DPYD: variants seen among roughly 807,000 people sequenced by gnomAD.
DPYD encodes the protein dihydropyrimidine dehydrogenase [NADP(+)].
DPYD carries 109 observed loss-of-function variants against 116.2 expected under a neutral mutation model. The observed-to-expected ratio is 0.94, with a 90% confidence interval of 0.80 to 1.10. The LOEUF is 1.10. DPYD is among the 50% of genes least tolerant of loss of function. The pLI, the probability that DPYD is intolerant of heterozygous loss-of-function variation, is 0.00. For missense variants in DPYD, 1,302 were observed against 1,254.5 expected (o/e 1.04, Z -0.57); for synonymous variants, 440 against 432.0 (o/e 1.02, Z -0.23).
At chr1:97,149,992 A>G (rs1460957501) in intron 20 of DPYD, among the ~76,000 whole-genome samples, 1 of 152,186 alleles carries the variant, frequency 6.6e-6, no homozygotes, top group Non-Finnish European at 1.5e-5. Flanking sequence ...TAATGTGGCC[A>G]TTGTCAACCT....
chr1:97,140,091 G>T (rs1654104215), intron 20 of DPYD, among the ~76,000 whole-genome samples: 1 of 151,304 alleles, frequency 6.6e-6, no homozygotes, highest in Non-Finnish European at 1.5e-5. Flanking sequence ...TGGGACACTT[G>T]CTGACTGTAG....
At chr1:97,607,795 T>A (rs1455342430) in intron 8 of DPYD, among the ~76,000 whole-genome samples, 1 of 151,938 alleles carries the variant, frequency 6.6e-6, no homozygotes, top group Non-Finnish European at 1.5e-5. Flanking sequence ...TAAAACATTA[T>A]ACAGCGCATA....
chr1:97,652,710 T>C (rs1394763454), intron 8 of DPYD, among the ~76,000 whole-genome samples: 8 of 152,328 alleles, frequency 5.3e-5, no homozygotes, highest in African/African-American at 1.7e-4. Context: ...GTGAAGATCC[T>C]GAGCATGGTA....
At chr1:97,081,293 A>G (rs1243580518) in intron 22 of DPYD, among the ~76,000 whole-genome samples, 1 of 152,108 alleles carries the variant, frequency 6.6e-6, no homozygotes. Flanking sequence ...TCCATTGATC[A>G]TTTCTTAAAA....
At chr1:97,124,062 AAGG>A (rs1652651409) in intron 20 of DPYD, among the ~76,000 whole-genome samples, 1 of 152,086 alleles carries the variant, frequency 6.6e-6, no homozygotes, top group Non-Finnish European at 1.5e-5. Context: ...ACAACTTTGG[AAGG>A]AGTATTTTGC....
intron 16 of DPYD, among the ~76,000 whole-genome samples, chr1:97,314,485 GCTTT>G (rs1320548863): frequency 8.4e-6 from 1 of 118,896 alleles, no homozygotes; most frequent in African/African-American, 3.2e-5. Context: ...AGTCGCTAAA[GCTTT>G]CTTTTTTTTT....
intron 5 of DPYD, among the ~76,000 whole-genome samples, chr1:97,716,416 T>C (rs1352946740): frequency 6.6e-6 from 1 of 151,996 alleles, no homozygotes; most frequent in African/African-American, 2.4e-5. Context: ...AGTGAATGGA[T>C]GCATAAATAG....
At chr1:97,677,839 G>C (rs1463692965) in intron 8 of DPYD, among the ~76,000 whole-genome samples, 9 of 152,128 alleles carry the variant, frequency 5.9e-5, no homozygotes, top group Admixed American at 5.2e-4. Context: ...AGACAAAGAA[G>C]CATTAATGAT....
intron 2 of DPYD, among the ~76,000 whole-genome samples, chr1:97,876,263 C>G (rs776233035): frequency 1.3e-5 from 2 of 151,936 alleles, no homozygotes; most frequent in African/African-American, 2.4e-5. Context: ...GTCGCTACTG[C>G]GGTTTTGCAG....
chr1:97,674,665 A>G (rs967195191), intron 8 of DPYD, among the ~76,000 whole-genome samples: 2 of 152,092 alleles, frequency 1.3e-5, no homozygotes, highest in Non-Finnish European at 2.9e-5. Context: ...CTTTAAAAAA[A>G]AAAAAAGGAA....
intron 1 of DPYD, among the ~76,000 whole-genome samples, chr1:97,919,239 G>GT (rs1674377411): frequency 6.6e-6 from 1 of 152,198 alleles, no homozygotes; most frequent in Non-Finnish European, 1.5e-5. Flanking sequence ...AGCTGAAGGT[G>GT]TTTGAACACC....
intron 2 of DPYD, among the ~76,000 whole-genome samples, chr1:97,833,282 G>GA (rs538349152): frequency 6.6e-6 from 1 of 151,198 alleles, no homozygotes; most frequent in Non-Finnish European, 1.5e-5. Context: ...TTTCAGTGCA[G>GA]AAAAAAAAAT....
intron 8 of DPYD, among the ~76,000 whole-genome samples, chr1:97,677,965 A>T (rs1444316737): frequency 6.6e-6 from 1 of 152,194 alleles, no homozygotes; most frequent in Non-Finnish European, 1.5e-5. Context: ...GAACTGCCGA[A>T]GAGACAGACA....
At chr1:97,197,038 CCCCTTCATT>C (rs1658867119) in intron 19 of DPYD, among the ~76,000 whole-genome samples, 1 of 152,052 alleles carries the variant, frequency 6.6e-6, no homozygotes, top group African/African-American at 2.4e-5. Flanking sequence ...GAAACAAAAA[CCCCTTCATT>C]TTCTATTCTG....
chr1:97,094,035 C>G (rs10449720), intron 21 of DPYD, among the ~76,000 whole-genome samples: 54,237 of 151,678 alleles, frequency 0.36, 10,209 homozygotes, highest in Middle Eastern at 0.48. Context: ...TTCCTCTACT[C>G]GATTCCTCTT....
chr1:97,208,433 T>G (rs1659812658), intron 19 of DPYD, among the ~76,000 whole-genome samples: 1 of 151,616 alleles, frequency 6.6e-6, no homozygotes, highest in Non-Finnish European at 1.5e-5. Flanking sequence ...TACAGGCGCA[T>G]GCCACCATGC....
At chr1:97,711,484 A>G (rs1467286880) in intron 5 of DPYD, among the ~76,000 whole-genome samples, 1 of 151,976 alleles carries the variant, frequency 6.6e-6, no homozygotes, top group East Asian at 1.9e-4. Flanking sequence ...AATGTGCATC[A>G]CTTTTACACC....
chr1:97,131,874 T>A (rs973322178), intron 20 of DPYD, among the ~76,000 whole-genome samples: 1 of 152,204 alleles, frequency 6.6e-6, no homozygotes, highest in African/African-American at 2.4e-5. Context: ...GTTACCTTTT[T>A]TTGTATTTTT....
intron 1 of DPYD, among the ~76,000 whole-genome samples, chr1:97,902,095 C>T (rs1473381132): frequency 6.6e-6 from 1 of 151,700 alleles, no homozygotes; most frequent in Non-Finnish European, 1.5e-5. Context: ...TTCTCAGTAT[C>T]TCCAGGAACT....
Sources: gnomAD v4.1 joint callset for allele counts (sites outside exome capture counted in the v4.1 genomes callset) on GRCh38, gnomAD v4.1.1 for gene constraint, MANE v1.5 for transcripts, NCBI Gene and HGNC (gene_info 2026-07-23, HGNC 2026-07-21) for gene names.